C3orf33: variants seen among roughly 807,000 people sequenced by gnomAD.
The protein encoded by C3orf33 is mitochondrial inner membrane subdomain organizer 1.
In C3orf33, 23 loss-of-function variants were observed where a neutral mutation model predicts 28.7. That is an observed-to-expected ratio of 0.80 (90% confidence interval 0.58 to 1.13). The LOEUF (loss-of-function observed/expected upper bound fraction) is 1.13, where lower values mean the gene tolerates loss of function less well. Ranked by LOEUF, C3orf33 falls within the 50% of genes most tolerant of loss-of-function variation. The pLI is 0.00. For synonymous variants in C3orf33, 119 were observed against 120.5 expected, an observed-to-expected ratio of 0.99 and a Z score of 0.08; for missense variants, 327 against 353.4, an observed-to-expected ratio of 0.93 and a Z score of 0.60.
intron 2 of C3orf33, among the ~76,000 whole-genome samples, chr3:155,776,828 G>C (rs1250781150): frequency 6.8e-6 from 1 of 146,966 alleles, no homozygotes; most frequent in Non-Finnish European, 1.5e-5. Flanking sequence ...AGGTTGAACT[G>C]AAGATTTTTA....
rs1750282985 is a variant in C3orf33 at position 155,763,055 on chromosome 3, AG to A, written c.*461del. ...TGCATGCCTGTAATCCCAGCTACTC[AG>A]GAGGCTGAGGCAGGAGAATCGCTTG... On this transcript the variant is annotated 3_prime_UTR_variant, in exon 5 of 5. Transcript: ENST00000340171. 1 of 152,094 alleles carries A rather than the reference AG, an allele frequency of 6.6e-6. No homozygotes were observed. The highest frequency in any genetic ancestry group is 2.1e-4 in the South Asian group (1 of 4,784). 9.4% of individuals were successfully genotyped at this position (152,094 alleles called of 1,614,324 possible). A position where few individuals can be genotyped will look rare whatever the true frequency, so the allele number is the denominator to read the frequency against.
At chr3:155,792,401 A>T (rs916505813) in intron 2 of C3orf33, among the ~76,000 whole-genome samples, 3 of 152,168 alleles carry the variant, frequency 2.0e-5, no homozygotes, top group African/African-American at 7.2e-5. Context: ...ACTATAATAA[A>T]TACCGAAATC....
In C3orf33 at chr3:155,763,456, C is replaced by T. The variant is rs536117537; in HGVS notation, c.*61G>A. 4.7e-5 allele frequency: 59 copies of T among 1,245,916 alleles called. No homozygotes were observed. The highest frequency in any genetic ancestry group is 2.5e-4 in the Admixed American group (7 of 27,894). The allele number at this position is 1,245,916 out of a possible 1,614,324, so 77.2% of individuals were successfully genotyped here. A position where few individuals can be genotyped will look rare whatever the true frequency, so the allele number is the denominator to read the frequency against. ...ACTTCCATTTTGATTCAATGAAAAA[C>T]GTCCATATATTTACATATTTCACTC... is the stretch of plus-strand genomic sequence containing the variant. On this transcript the variant is annotated 3_prime_UTR_variant, in exon 5 of 5. Coordinates refer to ENST00000340171, the MANE Select transcript of C3orf33 (RefSeq NM_001308229.2).
chr3:155,784,920 GAA>G (rs1751053328), intron 2 of C3orf33, among the ~76,000 whole-genome samples: 1 of 151,572 alleles, frequency 6.6e-6, no homozygotes, highest in African/African-American at 2.4e-5. Context: ...GTCTCCAATA[GAA>G]AGAGAGAGAT....
At chr3:155,799,377 A>G (rs1751575017) in intron 2 of C3orf33, among the ~76,000 whole-genome samples, 1 of 152,200 alleles carries the variant, frequency 6.6e-6, no homozygotes, top group Non-Finnish European at 1.5e-5. Flanking sequence ...CTAAGTGTCC[A>G]TCAACAGACG....
At chr3:155,769,738 G>A (rs1351148699) in intron 3 of C3orf33, among the ~76,000 whole-genome samples, 1 of 152,168 alleles carries the variant, frequency 6.6e-6, no homozygotes. Context: ...GCAGGAGGCA[G>A]TCAAATTCCC....
chr3:155,798,933 T>A (rs974411679), intron 2 of C3orf33, among the ~76,000 whole-genome samples: 7 of 151,620 alleles, frequency 4.6e-5, no homozygotes, highest in Non-Finnish European at 8.8e-5. Context: ...GGAAAAAAAA[T>A]CTAACGATCT....
rs528468416 is a variant in C3orf33, at chr3:155,806,246, C to T, written c.7G>A (p.Gly3Arg). 3.4e-6 allele frequency: 5 copies of T among 1,472,116 alleles called. No homozygotes were observed. Among genetic ancestry groups the T allele is most frequent in the Middle Eastern group, 2.3e-4 (1 of 4,384 alleles). The allele number at this position is 1,472,116 out of a possible 1,614,324, so 91.2% of individuals were successfully genotyped here. A position where few individuals can be genotyped will look rare whatever the true frequency, so the allele number is the denominator to read the frequency against. MA[G>R]QPAATGSPSA... Reference sequence around the variant, plus strand: ...GGCGAGCCGGTGGCCGCGGGCTGCCCCGCCATGTTCCCGGCCTCCTGCGAG... The same window carrying T: ...GGCGAGCCGGTGGCCGCGGGCTGCCTCGCCATGTTCCCGGCCTCCTGCGAG... The change falls in exon 1 of 5, where the codon GGG becomes AGG. Residue 3 changes from glycine (G) to arginine (R), a missense_variant. Gly to Arg is a moderately radical substitution (Grantham distance 125). Transcript: ENST00000340171.
chr3:155,768,211 A>C (rs1284733157), intron 3 of C3orf33, among the ~76,000 whole-genome samples: 1 of 141,048 alleles, frequency 7.1e-6, no homozygotes, highest in Non-Finnish European at 1.6e-5. Context: ...GCTTCAGAAC[A>C]AGTAGTGAGA....
At chr3:155,775,928 A>G in intron 2 of C3orf33, 80 bp from the exon 3 acceptor site, 3 of 1,072,480 alleles carry the variant, frequency 2.8e-6, no homozygotes, top group Non-Finnish European at 4.2e-6. Context: ...TTATCAAAAC[A>G]TTTCACAAGA....
intron 2 of C3orf33, among the ~76,000 whole-genome samples, chr3:155,779,172 C>T (rs1002098078): frequency 3.3e-5 from 5 of 152,098 alleles, no homozygotes; most frequent in Admixed American, 6.5e-5. Context: ...ACCTGGTCTC[C>T]TCACCACCAA....
Position 155,763,304 on chromosome 3 carries a change from C to A in C3orf33, c.*213G>T. 1 of 372,704 alleles carries A rather than the reference C, an allele frequency of 2.7e-6. No individual in the cohort carries two copies. Among genetic ancestry groups the A allele is most frequent in the South Asian group, 1.0e-4 (1 of 9,666 alleles). 23.1% of individuals were successfully genotyped at this position (372,704 alleles called of 1,614,324 possible). A position where few individuals can be genotyped will look rare whatever the true frequency, so the allele number is the denominator to read the frequency against. On this transcript the variant is annotated 3_prime_UTR_variant, in exon 5 of 5. Transcript: ENST00000340171. ...CCTGGTAACTTCTCATAAAGTGTTT[C>A]ATCCTTCCTAAAATCATATTACATT...
chr3:155,772,692 A>G (rs746674677), intron 3 of C3orf33, among the ~76,000 whole-genome samples: 2 of 151,946 alleles, frequency 1.3e-5, no homozygotes, highest in African/African-American at 2.4e-5. Context: ...GTACTGAGAC[A>G]GTAGCAATAG....
intron 3 of C3orf33, among the ~76,000 whole-genome samples, chr3:155,770,810 G>C (rs1386234478): frequency 6.6e-6 from 1 of 151,848 alleles, no homozygotes; most frequent in African/African-American, 2.4e-5. Flanking sequence ...ACAAGCGCAT[G>C]CCACCACACT....
intron 3 of C3orf33, among the ~76,000 whole-genome samples, chr3:155,773,614 T>A (rs528963450): frequency 6.6e-6 from 1 of 152,356 alleles, no homozygotes; most frequent in African/African-American, 2.4e-5. Context: ...AAATACTTTA[T>A]TATTTGTGTG....
At chr3:155,786,421 G>C (rs1446338011) in intron 2 of C3orf33, among the ~76,000 whole-genome samples, 1 of 152,132 alleles carries the variant, frequency 6.6e-6, no homozygotes, top group Non-Finnish European at 1.5e-5. Flanking sequence ...AGAAATAAAA[G>C]TGGGGACATT....
intron 3 of C3orf33, among the ~76,000 whole-genome samples, chr3:155,769,040 T>C (rs1212628812): frequency 6.6e-6 from 1 of 151,936 alleles, no homozygotes; most frequent in Non-Finnish European, 1.5e-5. Context: ...AGGCCAGGTG[T>C]GGTGGCTCAC....
rs1422470557 is a variant in C3orf33 at position 155,794,548 on chromosome 3, C to G, written c.174+7984G>C. Among the ~76,000 whole-genome samples, 4 of 151,144 alleles carry G rather than the reference C, an allele frequency of 2.6e-5. No homozygotes were observed. In the East Asian group the frequency reaches 7.8e-4, roughly 29 times the overall value. ...GTAAGTCATTACTTATCAATAATAA[C>G]AATGTAAATGAACTAAACTCTCCAA... On this transcript the variant is annotated intron_variant, in intron 2 of 4. Coordinates refer to ENST00000340171, the MANE Select transcript of C3orf33 (RefSeq NM_001308229.2).
intron 2 of C3orf33, among the ~76,000 whole-genome samples, chr3:155,778,070 A>C (rs1175463736): frequency 6.9e-6 from 1 of 145,656 alleles, no homozygotes; most frequent in Non-Finnish European, 1.5e-5. Flanking sequence ...GAATCGCTTG[A>C]ACCTGGGAGG....
Sources: gnomAD v4.1 joint callset for allele counts (sites outside exome capture counted in the v4.1 genomes callset) on GRCh38, gnomAD v4.1.1 for gene constraint, MANE v1.5 for transcripts, NCBI Gene and HGNC (gene_info 2026-07-23, HGNC 2026-07-21) for gene names.